The following ALS2 variants were observed in gnomAD, a reference collection of about 807,000 sequenced individuals.
ALS2 encodes alsin Rho guanine nucleotide exchange factor ALS2, also known as alsin.
A neutral mutation model predicts 203.4 loss-of-function variants in ALS2; 117 were observed. The observed-to-expected ratio is 0.58, with a 90% CI of 0.50 to 0.67. The LOEUF is 0.67. ALS2 is among the 30% of genes least tolerant of loss of function. ALS2 has a pLI of 0.00. For missense variants in ALS2, 1,715 were observed against 1,989.4 expected (o/e 0.86, Z 2.62); for synonymous variants, 718 against 725.9 (o/e 0.99, Z 0.17).
intron 2 of ALS2, among the ~76,000 whole-genome samples, chr2:201,767,943 A>G (rs1694187731): frequency 6.6e-6 from 1 of 152,116 alleles, no homozygotes; most frequent in Non-Finnish European, 1.5e-5. Context: ...AAGCAAACAA[A>G]ACTTGGGCTA....
rs770158461 is a variant in ALS2, at chr2:201,754,626, G to A, written c.1517C>T (p.Thr506Ile). 1.2e-6 allele frequency: 2 copies of A among 1,614,018 alleles called. No individual in the cohort carries two copies. Among genetic ancestry groups the A allele is most frequent in the South Asian group, 2.2e-5 (2 of 91,090 alleles). ...ACTGTATGTGGGGGTCAGAACCACT[G>A]TCCTCGTTTTCACCCGTGCAGCCTT... ...LRKAARVKTR[T>I]VVLTPTYSGE... is the part of the protein sequence containing the mutation. The change falls in exon 6 of 34, where the codon ACA (threonine) becomes ATA (isoleucine). Residue 506 changes from threonine to isoleucine, a missense_variant. Coordinates refer to ENST00000264276, the MANE Select transcript of ALS2 (RefSeq NM_020919.4).
chr2:201,778,499 A>G (rs1694751328), intron 1 of ALS2: 2 of 152,180 alleles, frequency 1.3e-5, no homozygotes, highest in African/African-American at 2.4e-5. Context: ...TAAAGAAAGC[A>G]CCATCACATA....
chr2:201,723,507 A>T, intron 21 of ALS2, 66 bp from the exon 22 acceptor site: 3 of 1,343,284 alleles, frequency 2.2e-6, no homozygotes, highest in Admixed American at 1.7e-5. Context: ...AAAGACAATT[A>T]TCACATGGGA....
chr2:201,748,947 G>T (rs879406170), intron 8 of ALS2, among the ~76,000 whole-genome samples: 3 of 152,154 alleles, frequency 2.0e-5, no homozygotes, highest in Admixed American at 2.0e-4. Flanking sequence ...TTACTCCAGA[G>T]GGAGCATGTC....
In ALS2 at chr2:201,775,448, TGGTAA is replaced by T. The variant is rs1694614893; in HGVS notation, c.-61+5424_-61+5428del. Among the ~76,000 whole-genome samples the T allele has an allele frequency of 2.6e-5, 4 of 152,354 alleles. 1 individual carries two copies. In the South Asian group the frequency reaches 8.3e-4, roughly 32 times the overall value. ...ATAACAGAGTCTGGTATTTTACACA[TGGTAA>T]ATGCTTAATAAATAATTTGCTTTTA... On this transcript the variant is annotated intron_variant, in intron 1 of 33. Transcript: ENST00000264276.
Position 201,754,668 on chromosome 2 carries a change from GA to G in ALS2, c.1474del (p.Ser492ProfsTer5). 6.2e-7 allele frequency: 1 copy of G among 1,614,112 alleles called. No individual in the cohort carries two copies. Among genetic ancestry groups the G allele is most frequent in the Middle Eastern group, 1.6e-4 (1 of 6,062 alleles). ...LSLPGLLSQV[S>X]PRLLRKAARV... ...TGCAGCCTTTCTTAAGAGCCTGGGGGAAACTGAAAACCAACCAGACGTGGGG... is the reference window on the plus strand; with the variant it reads ...TGCAGCCTTTCTTAAGAGCCTGGGGGAACTGAAAACCAACCAGACGTGGGG... On this transcript the variant is annotated frameshift_variant and splice_region_variant, in exon 6 of 34. Coordinates refer to ENST00000264276, the MANE Select transcript of ALS2 (RefSeq NM_020919.4). LOFTEE classifies it high-confidence loss of function.
At chr2:201,769,143 C>T (rs1221846498) in intron 1 of ALS2, among the ~76,000 whole-genome samples, 198 bp from the exon 2 acceptor site, 1 of 152,140 alleles carries the variant, frequency 6.6e-6, no homozygotes, top group African/African-American at 2.4e-5. Context: ...TAAAAATGCC[C>T]ATTGACTGTC....
At chr2:201,777,128 A>G (rs772033158) in intron 1 of ALS2, among the ~76,000 whole-genome samples, 10 of 152,174 alleles carry the variant, frequency 6.6e-5, no homozygotes, top group Non-Finnish European at 1.0e-4. Context: ...TATCTGAGTC[A>G]CAACATGTCC....
intron 12 of ALS2, 132 bp downstream of exon 12, chr2:201,738,538 T>G: frequency 1.2e-6 from 1 of 858,690 alleles, no homozygotes; most frequent in Non-Finnish European, 1.9e-6. Flanking sequence ...TAAGACTTAC[T>G]GAAAGTTTAT....
At position 201,728,834 on chromosome 2, in the gene ALS2, AAAAC is replaced by A. The variant is rs138393905; in HGVS notation, c.2713-198_2713-195del. ...CTCAAAGGAGATTAAAAAGAAGACA[AAAAC>A]AAACTAAAGAAGGTGAGTAAGTCTT... On this transcript the variant is annotated intron_variant, in intron 14 of 33. Coordinates refer to ENST00000264276, the MANE Select transcript of ALS2 (RefSeq NM_020919.4). Among the ~76,000 whole-genome samples the A allele has an allele frequency of 0.086, 13,038 of 152,250 alleles. 624 individuals carry two copies. The highest frequency in any genetic ancestry group is 0.24 in the East Asian group (1,234 of 5,170).
intron 23 of ALS2, among the ~76,000 whole-genome samples, chr2:201,720,657 G>A (rs1345149242): frequency 6.6e-6 from 1 of 151,612 alleles, no homozygotes; most frequent in African/African-American, 2.4e-5. Context: ...GAGGCTGCAG[G>A]GAGCTGAGAA....
At chr2:201,713,621 T>C (rs1204095936) in intron 25 of ALS2, among the ~76,000 whole-genome samples, 1 of 152,216 alleles carries the variant, frequency 6.6e-6, no homozygotes, top group Non-Finnish European at 1.5e-5. Flanking sequence ...CAATAAGTGA[T>C]TTCGGTTAGT....
chr2:201,765,260 T>C (rs1694018855), intron 3 of ALS2: 1 of 152,236 alleles, frequency 6.6e-6, no homozygotes. Flanking sequence ...ACCCCTAGGC[T>C]CAAGGGATCC....
rs564667134 is a variant in ALS2, at chr2:201,730,634, A to T, written c.2581-1451T>A. Among the ~76,000 whole-genome samples, 128 of 148,412 alleles carry T rather than the reference A, an allele frequency of 8.6e-4. No individual in the cohort carries two copies. In the Middle Eastern group the frequency reaches 0.01, roughly 12 times the overall value. ...TCTGTCAATTGTCCTTTCAAGTTTA[A>T]AAAAAAAAAAAGCAACCCATTTATT... On this transcript the variant is annotated intron_variant, in intron 13 of 33. Coordinates refer to ENST00000264276, the MANE Select transcript of ALS2 (RefSeq NM_020919.4).
At chr2:201,717,045 T>C (rs6716369) in intron 24 of ALS2, among the ~76,000 whole-genome samples, 57,074 of 151,910 alleles carry the variant, frequency 0.38, 11,352 homozygotes, top group East Asian at 0.64. Context: ...ATGCAATGGG[T>C]ATAATATACT....
intron 1 of ALS2, among the ~76,000 whole-genome samples, chr2:201,779,515 C>T (rs1694803859): frequency 6.6e-6 from 1 of 152,124 alleles, no homozygotes; most frequent in Non-Finnish European, 1.5e-5. Flanking sequence ...TAGCTACTTC[C>T]TTAAAATATT....
intron 1 of ALS2, among the ~76,000 whole-genome samples, chr2:201,774,814 ATATCG>A (rs1330038920): frequency 6.6e-6 from 1 of 152,190 alleles, no homozygotes; most frequent in Non-Finnish European, 1.5e-5. Flanking sequence ...AGAGTGACAA[ATATCG>A]TATTTTCTAG....
At chr2:201,773,321 T>C (rs1038145075) in intron 1 of ALS2, among the ~76,000 whole-genome samples, 2 of 152,182 alleles carry the variant, frequency 1.3e-5, no homozygotes, top group Non-Finnish European at 2.9e-5. Context: ...CCTGGGTTCT[T>C]AAGTTTCATA....
At chr2:201,752,452 AAAC>A (rs1693123088) in intron 7 of ALS2, among the ~76,000 whole-genome samples, 1 of 152,082 alleles carries the variant, frequency 6.6e-6, no homozygotes, top group Admixed American at 6.5e-5. Context: ...ATCATGTTAA[AAAC>A]AGTAAATTCC....
Sources: gnomAD v4.1 joint callset for allele counts (sites outside exome capture counted in the v4.1 genomes callset) on GRCh38, gnomAD v4.1.1 for gene constraint, MANE v1.5 for transcripts, NCBI Gene and HGNC (gene_info 2026-07-23, HGNC 2026-07-21) for gene names.